Variants in LRMDA observed in about 807,000 individuals in gnomAD.
LRMDA encodes leucine rich melanocyte differentiation associated.
LRMDA carries 18 observed loss-of-function variants against 29.8 expected under a neutral mutation model. That is an observed-to-expected ratio of 0.60 (90% confidence interval 0.42 to 0.90). LRMDA has a LOEUF of 0.90. Among genes scored for constraint, LRMDA ranks in the 40% least tolerant of loss-of-function variants. The probability of loss-of-function intolerance (pLI) is 0.00; values close to 1 mark genes in which losing one functional copy is unlikely to be tolerated. For synonymous variants in LRMDA, 125 were observed against 109.4 expected (o/e 1.14, Z -0.89); for missense variants, 273 against 273.9 (o/e 1.00, Z 0.02).
At chr10:76,244,581 C>T (rs573171953) in intron 5 of LRMDA, among the ~76,000 whole-genome samples, 85 of 152,272 alleles carry the variant, frequency 5.6e-4, no homozygotes, top group South Asian at 1.9e-3. Flanking sequence ...ATTGTAGCTG[C>T]AGTGTGGCTG....
chr10:75,595,004 G>A (rs1251451352), intron 2 of LRMDA, among the ~76,000 whole-genome samples: 1 of 152,092 alleles, frequency 6.6e-6, no homozygotes, highest in Non-Finnish European at 1.5e-5. Context: ...AATTTTATAG[G>A]TAGTTGTTTG....
intron 2 of LRMDA, among the ~76,000 whole-genome samples, chr10:75,922,222 A>G (rs764548465): frequency 1.3e-4 from 20 of 152,206 alleles, no homozygotes; most frequent in Non-Finnish European, 2.6e-4. Context: ...AAAATTGCTC[A>G]CTATTTAGAA....
intron 2 of LRMDA, among the ~76,000 whole-genome samples, chr10:75,505,444 C>G (rs1381687734): frequency 1.3e-5 from 2 of 152,088 alleles, no homozygotes; most frequent in African/African-American, 4.8e-5. Flanking sequence ...AGGGGACAGC[C>G]AGCAATCTCT....
chr10:75,894,802 G>A (rs1436821515), intron 2 of LRMDA, among the ~76,000 whole-genome samples: 1 of 152,144 alleles, frequency 6.6e-6, no homozygotes, highest in Non-Finnish European at 1.5e-5. Context: ...GCAATGAAGA[G>A]GAGAAAACCA....
intron 2 of LRMDA, among the ~76,000 whole-genome samples, chr10:75,539,636 G>A (rs1442137595): frequency 1.3e-5 from 2 of 152,126 alleles, no homozygotes; most frequent in African/African-American, 2.4e-5. Context: ...CTTCTCACAT[G>A]GTTTTCTCTT....
At chr10:75,875,847 G>A (rs1393565815) in intron 2 of LRMDA, among the ~76,000 whole-genome samples, 1 of 152,188 alleles carries the variant, frequency 6.6e-6, no homozygotes, top group Non-Finnish European at 1.5e-5. Context: ...GGGAAGACAT[G>A]AGACCTGATT....
At chr10:75,717,435 C>A (rs552172502) in intron 2 of LRMDA, among the ~76,000 whole-genome samples, 11 of 152,328 alleles carry the variant, frequency 7.2e-5, no homozygotes, top group African/African-American at 2.6e-4. Flanking sequence ...GCACATAAAA[C>A]GGAAGCTTGC....
intron 5 of LRMDA, among the ~76,000 whole-genome samples, chr10:76,151,447 T>C (rs1381793639): frequency 1.3e-5 from 2 of 152,192 alleles, no homozygotes; most frequent in East Asian, 3.9e-4. Context: ...AATAATCGTA[T>C]TTGTTTGTAT....
intron 6 of LRMDA, among the ~76,000 whole-genome samples, chr10:76,406,220 G>A (rs1462109159): frequency 2.0e-5 from 3 of 152,134 alleles, no homozygotes; most frequent in African/African-American, 4.8e-5. Context: ...ACTAACAGGC[G>A]GAAAGGGAAC....
intron 6 of LRMDA, among the ~76,000 whole-genome samples, chr10:76,335,830 T>C (rs1185288098): frequency 2.6e-5 from 4 of 152,116 alleles, no homozygotes; most frequent in African/African-American, 9.7e-5. Context: ...AGAGAATAGA[T>C]TGTAAATATT....
Position 76,248,483 on chromosome 10 carries a change from C to G in LRMDA, c.517-75918C>G, listed in dbSNP as rs117150786. 2.7e-3 allele frequency among the ~76,000 whole-genome samples: 415 copies of G among 152,290 alleles called. 20 individuals are homozygous for G. The East Asian group carries it at 0.062, about 23-fold the overall frequency. On this transcript the variant is annotated intron_variant, in intron 5 of 6. Coordinates refer to ENST00000611255, the MANE Select transcript of LRMDA (RefSeq NM_001305581.2). ...TCCGTCAAAAACATTTCTTAACATC[C>G]TAAGACATGCCTCTTTAGGGTTGGA...
At chr10:76,262,900 A>G (rs953276001) in intron 5 of LRMDA, among the ~76,000 whole-genome samples, 1 of 152,162 alleles carries the variant, frequency 6.6e-6, no homozygotes, top group Non-Finnish European at 1.5e-5. Context: ...GTTACCAGCC[A>G]TTTGCCCTTT....
chr10:75,704,691 A>G (rs901697930), intron 2 of LRMDA, among the ~76,000 whole-genome samples: 1 of 152,104 alleles, frequency 6.6e-6, no homozygotes, highest in African/African-American at 2.4e-5. Flanking sequence ...TTTCTTTTCT[A>G]CTGCATGGAA....
Position 76,014,169 on chromosome 10 carries a change from T to C in LRMDA, c.132-21839T>C, listed in dbSNP as rs1336305407. Among the ~76,000 whole-genome samples the C allele has an allele frequency of 2.1e-5, 3 of 144,194 alleles. No homozygotes were observed. The East Asian group carries it at 6.1e-4, about 29-fold the overall frequency. The allele number at this position is 144,194 out of a possible 152,430, so 94.6% of individuals were successfully genotyped here. ...AATTATATATATATATAATTATATATATATGGTAACATTGTTATGCCTATT... is the reference window on the plus strand; with the variant it reads ...AATTATATATATATATAATTATATACATATGGTAACATTGTTATGCCTATT... On this transcript the variant is annotated intron_variant, in intron 2 of 6. Transcript: ENST00000611255.
chr10:75,936,321 T>C (rs1846292422), intron 2 of LRMDA, among the ~76,000 whole-genome samples: 1 of 152,086 alleles, frequency 6.6e-6, no homozygotes, highest in African/African-American at 2.4e-5. Context: ...ATGTGGACAA[T>C]TTGCTTTACT....
chr10:76,392,931 C>T (rs1165129501), intron 6 of LRMDA, among the ~76,000 whole-genome samples: 2 of 152,110 alleles, frequency 1.3e-5, no homozygotes, highest in African/African-American at 4.8e-5. Context: ...TAAGTGAGAT[C>T]ATGTGGTATT....
At chr10:76,392,639 G>A (rs2132485524) in intron 6 of LRMDA, among the ~76,000 whole-genome samples, 1 of 152,076 alleles carries the variant, frequency 6.6e-6, no homozygotes, top group East Asian at 1.9e-4. Context: ...TCAGATTGGG[G>A]TGCTTAACCT....
At chr10:75,904,086 G>T (rs1308421765) in intron 2 of LRMDA, among the ~76,000 whole-genome samples, 1 of 152,206 alleles carries the variant, frequency 6.6e-6, no homozygotes, top group Non-Finnish European at 1.5e-5. Context: ...TACAGTGGAG[G>T]CAGTGGCTAG....
chr10:75,582,603 C>T (rs1277809469), intron 2 of LRMDA, among the ~76,000 whole-genome samples: 1 of 152,212 alleles, frequency 6.6e-6, no homozygotes, highest in East Asian at 1.9e-4. Flanking sequence ...GGGGCTGCCA[C>T]AAAGGCCTCT....
Sources: allele counts gnomAD v4.1 joint callset (sites outside exome capture counted in the v4.1 genomes callset), GRCh38; gene constraint gnomAD v4.1.1; transcripts MANE v1.5; gene names NCBI Gene and HGNC (gene_info 2026-07-23, HGNC 2026-07-21).